CEBPG: variants seen among roughly 807,000 people sequenced by gnomAD.
CEBPG encodes CCAAT/enhancer-binding protein gamma.
Under a neutral mutation model 11.1 loss-of-function variants are expected in CEBPG, and 6 were observed. The ratio of observed to expected loss-of-function variants is 0.54; its 90% CI spans 0.30 to 1.07. The LOEUF is 1.07. Among genes scored for constraint, CEBPG ranks in the 50% least tolerant of loss-of-function variants. CEBPG has a pLI of 0.07. For synonymous variants in CEBPG, 66 were observed against 71.0 expected (o/e 0.93, Z 0.36); for missense variants, 161 against 187.4 (o/e 0.86, Z 0.82).
Position 33,379,911 on chromosome 19 carries a change from A to G in CEBPG, c.*219A>G, listed in dbSNP as rs1967964498. ...AATGATAGAGGTTTTTGTGGGAATCAAAATCCCCCAAATGTTAAGGTATAT... is the reference window on the plus strand; with the variant it reads ...AATGATAGAGGTTTTTGTGGGAATCGAAATCCCCCAAATGTTAAGGTATAT... On this transcript the variant is annotated 3_prime_UTR_variant, in exon 2 of 2. Transcript: ENST00000284000. 3 of 460,474 alleles carry G rather than the reference A, an allele frequency of 6.5e-6. No individual in the cohort carries two copies. In the South Asian group the frequency reaches 1.5e-4, roughly 23 times the overall value. 28.5% of individuals were successfully genotyped at this position (460,474 alleles called of 1,614,324 possible).
chr19:33,377,753 G>A (rs922738915), intron 1 of CEBPG, among the ~76,000 whole-genome samples: 5 of 152,212 alleles, frequency 3.3e-5, no homozygotes, highest in East Asian at 3.8e-4. Context: ...TAGTGTTGGC[G>A]TGAGAACAGA....
At position 33,381,741 on chromosome 19, in the gene CEBPG, C is replaced by A. The variant is rs1192490912; in HGVS notation, c.*2049C>A. The A allele has an allele frequency of 6.0e-6, 1 of 167,050 alleles. No individual in the cohort carries two copies. Among genetic ancestry groups the A allele is most frequent in the Non-Finnish European group, 1.5e-5 (1 of 68,122 alleles). 10.3% of individuals were successfully genotyped at this position (167,050 alleles called of 1,614,324 possible). On this transcript the variant is annotated 3_prime_UTR_variant, in exon 2 of 2. Transcript: ENST00000284000. ...CAGTTATATGAATTGACTTAAGTAT[C>A]TTGAAAAAGAAACTTTAGAGAAAGC...
Position 33,380,902 on chromosome 19 carries a change from A to T in CEBPG, c.*1210A>T, listed in dbSNP as rs1967978273. On this transcript the variant is annotated 3_prime_UTR_variant, in exon 2 of 2. Transcript: ENST00000284000. ...CCACTGCTTCTGTTTATTCATTTATATGCTTTTGTGTCCCATAAATTATTT... is the reference window on the plus strand; with the variant it reads ...CCACTGCTTCTGTTTATTCATTTATTTGCTTTTGTGTCCCATAAATTATTT... The T allele has an allele frequency of 6.0e-6, 1 of 166,912 alleles. No individual in the cohort carries two copies. Among genetic ancestry groups the T allele is most frequent in the Non-Finnish European group, 1.5e-5 (1 of 68,114 alleles). 10.3% of individuals were successfully genotyped at this position (166,912 alleles called of 1,614,324 possible). A position where few individuals can be genotyped will look rare whatever the true frequency, so the allele number is the denominator to read the frequency against.
In CEBPG at chr19:33,379,524, T is replaced by C; in HGVS notation, c.285T>C (p.Asn95=). 1 of 1,613,786 alleles carries C rather than the reference T, an allele frequency of 6.2e-7. No individual in the cohort carries two copies. Among genetic ancestry groups the C allele is most frequent in the Non-Finnish European group, 8.5e-7 (1 of 1,179,950 alleles). The change falls in exon 2 of 2, where the codon AAT becomes AAC. Residue 95 remains asparagine (N), a synonymous_variant. Coordinates refer to ENST00000284000, the MANE Select transcript of CEBPG (RefSeq NM_001806.4). The stretch of plus-strand genomic sequence containing the variant: ...CACAAGACACACTGCAGAGAGTCAA[T>C]CAGCTCAAAGAAGAGAATGAACGGT... ...QKAQDTLQRV[N]QLKEENERLE...
chr19:33,378,005 A>G (rs1967932557), intron 1 of CEBPG, among the ~76,000 whole-genome samples: 1 of 152,196 alleles, frequency 6.6e-6, no homozygotes. Flanking sequence ...AGTTTTGTGA[A>G]AAGAGAACAG....
intron 1 of CEBPG, among the ~76,000 whole-genome samples, chr19:33,377,749 T>G (rs184671036): frequency 6.6e-6 from 1 of 152,362 alleles, no homozygotes; most frequent in East Asian, 1.9e-4. Context: ...GCCTTAGTGT[T>G]GGCGTGAGAA....
chr19:33,377,271 A>G (rs937010140), intron 1 of CEBPG, among the ~76,000 whole-genome samples: 4 of 152,190 alleles, frequency 2.6e-5, no homozygotes, highest in African/African-American at 9.7e-5. Context: ...GCATGTGGGG[A>G]ACAGACAGCC....
rs779165125 is a variant in CEBPG, at chr19:33,379,696, T to A, written c.*4T>A. ...TGGCGACAATGCAGGACAGTAGACC[T>A]CACCCTTTCCAGACTTTAGAGCTTG... On this transcript the variant is annotated 3_prime_UTR_variant, in exon 2 of 2. Coordinates refer to ENST00000284000, the MANE Select transcript of CEBPG (RefSeq NM_001806.4). The A allele has an allele frequency of 5.7e-6, 9 of 1,577,722 alleles. No individual in the cohort carries two copies. The highest frequency in any genetic ancestry group is 7.7e-6 in the Non-Finnish European group (9 of 1,168,816).
chr19:33,375,960 G>T (rs898234159), intron 1 of CEBPG, among the ~76,000 whole-genome samples: 2 of 152,208 alleles, frequency 1.3e-5, no homozygotes, highest in African/African-American at 4.8e-5. Flanking sequence ...ACAGAGGTTG[G>T]AGGAAGCAGG....
chr19:33,375,928 T>G (rs1967906257), intron 1 of CEBPG, among the ~76,000 whole-genome samples: 1 of 152,178 alleles, frequency 6.6e-6, no homozygotes, highest in Non-Finnish European at 1.5e-5. Flanking sequence ...CACTCAGGTT[T>G]GAGTGTTCAA....
In CEBPG at chr19:33,379,851, A is replaced by C; in HGVS notation, c.*159A>C. The C allele has an allele frequency of 1.6e-6, 1 of 610,312 alleles. No homozygotes were observed. Among genetic ancestry groups the C allele is most frequent in the Non-Finnish European group, 2.8e-6 (1 of 359,762 alleles). 37.8% of individuals were successfully genotyped at this position (610,312 alleles called of 1,614,324 possible). On this transcript the variant is annotated 3_prime_UTR_variant, in exon 2 of 2. Transcript: ENST00000284000. Reference sequence around the variant, plus strand: ...CAGCACTGAAGAGTTGATTAGCTAAAAATGTTAGCCTTGTAATTCGAATAT... The same window carrying C: ...CAGCACTGAAGAGTTGATTAGCTAACAATGTTAGCCTTGTAATTCGAATAT...
Position 33,379,412 on chromosome 19 carries a change from T to C in CEBPG, c.173T>C (p.Met58Thr), listed in dbSNP as rs1224178212. The change falls in exon 2 of 2, where the codon ATG becomes ACG. Residue 58 changes from methionine (M) to threonine (T), a missense_variant. Coordinates refer to ENST00000284000, the MANE Select transcript of CEBPG (RefSeq NM_001806.4). ...PSKQSKKSSP[M>T]DRNSDEYRQR... is the part of the protein sequence containing the mutation. ...AAGCAGAGCAAAAAGAGTTCGCCCA[T>C]GGATCGAAACAGTGACGAGTATCGG... is the stretch of plus-strand genomic sequence containing the variant. 9 of 1,613,732 alleles carry C rather than the reference T, an allele frequency of 5.6e-6. No homozygotes were observed. The Admixed American group carries it at 6.7e-5, about 12-fold the overall frequency.
rs1414735096 is a variant in CEBPG at position 33,380,576 on chromosome 19, G to A, written c.*884G>A. 6.0e-6 allele frequency: 1 copy of A among 167,040 alleles called. No individual in the cohort carries two copies. The highest frequency in any genetic ancestry group is 1.5e-5 in the Non-Finnish European group (1 of 68,128). The allele number at this position is 167,040 out of a possible 1,614,324, so 10.3% of individuals were successfully genotyped here. ...ATATCTTAACAGTTTGATGACACAA[G>A]CTACTGATGAGGGTTTGGAATATTA... On this transcript the variant is annotated 3_prime_UTR_variant, in exon 2 of 2. Transcript: ENST00000284000.
chr19:33,376,840 C>A (rs974110905), intron 1 of CEBPG, among the ~76,000 whole-genome samples: 1 of 152,166 alleles, frequency 6.6e-6, no homozygotes, highest in East Asian at 1.9e-4. Context: ...ATGAGAGTGG[C>A]CTTTTCAGTG....
intron 1 of CEBPG, 66 bp from the exon 2 acceptor site, chr19:33,379,078 G>A (rs182984691): frequency 1.2e-5 from 7 of 596,948 alleles, no homozygotes; most frequent in Non-Finnish European, 2.0e-5. Context: ...TGTTAGGTAC[G>A]TACAAGTTTG....
At position 33,379,091 on chromosome 19, in the gene CEBPG, C is replaced by A. The variant is rs529143973; in HGVS notation, c.-96-53C>A. 106 of 670,954 alleles carry A rather than the reference C, an allele frequency of 1.6e-4. No homozygotes were observed. The African/African-American group carries it at 1.9e-3, about 12-fold the overall frequency. The allele number at this position is 670,954 out of a possible 1,614,324, so 41.6% of individuals were successfully genotyped here. A position where few individuals can be genotyped will look rare whatever the true frequency, so the allele number is the denominator to read the frequency against. On this transcript the variant is annotated intron_variant, in intron 1 of 1. Coordinates refer to ENST00000284000, the MANE Select transcript of CEBPG (RefSeq NM_001806.4). ...GATGTTAGGTACGTACAAGTTTGATCTCATTTGATCCTGTCATTTCAAATA... is the reference window on the plus strand; with the variant it reads ...GATGTTAGGTACGTACAAGTTTGATATCATTTGATCCTGTCATTTCAAATA...
At position 33,379,183 on chromosome 19, in the gene CEBPG, A is replaced by G. The variant is rs1307965378; in HGVS notation, c.-57A>G. The G allele has an allele frequency of 6.2e-6, 9 of 1,461,062 alleles. No homozygotes were observed. The East Asian group carries it at 1.6e-4, about 26-fold the overall frequency. 90.5% of individuals were successfully genotyped at this position (1,461,062 alleles called of 1,614,324 possible). ...TTTTTGGCAGCTTAGCGTGGAAACC[A>G]TTGATCACCCTGCTCTCATTTCTAC... On this transcript the variant is annotated 5_prime_UTR_variant, in exon 2 of 2. Coordinates refer to ENST00000284000, the MANE Select transcript of CEBPG (RefSeq NM_001806.4).
At position 33,379,709 on chromosome 19, in the gene CEBPG, A is replaced by C. The variant is rs747332792; in HGVS notation, c.*17A>C. 26 of 1,584,262 alleles carry C rather than the reference A, an allele frequency of 1.6e-5. No individual in the cohort carries two copies. The South Asian group carries it at 2.2e-4, about 13-fold the overall frequency. On this transcript the variant is annotated 3_prime_UTR_variant, in exon 2 of 2. Coordinates refer to ENST00000284000, the MANE Select transcript of CEBPG (RefSeq NM_001806.4). Reference sequence around the variant, plus strand: ...GGACAGTAGACCTCACCCTTTCCAGACTTTAGAGCTTGTGGCTTGAATGTT... The same window carrying C: ...GGACAGTAGACCTCACCCTTTCCAGCCTTTAGAGCTTGTGGCTTGAATGTT...
chr19:33,379,016 G>A (rs1600063868), intron 1 of CEBPG, 128 bp from the exon 2 acceptor site: 1 of 439,606 alleles, frequency 2.3e-6, no homozygotes, highest in East Asian at 3.5e-5. Flanking sequence ...CATTGGAACA[G>A]TTGGCAGTTG....
Sources: allele counts gnomAD v4.1 joint callset (sites outside exome capture counted in the v4.1 genomes callset), GRCh38; gene constraint gnomAD v4.1.1; transcripts MANE v1.5; gene names NCBI Gene and HGNC (gene_info 2026-07-23, HGNC 2026-07-21).